CADPS: variants seen among roughly 807,000 people sequenced by gnomAD.
CADPS encodes calcium-dependent secretion activator 1.
In CADPS, 57 loss-of-function variants were observed where a neutral mutation model predicts 167.3. That is an observed-to-expected ratio of 0.34 (90% CI 0.28 to 0.42). The LOEUF (loss-of-function observed/expected upper bound fraction) is 0.42, where lower values mean the gene tolerates loss of function less well. CADPS is among the 20% of genes least tolerant of loss of function. The probability of loss-of-function intolerance (pLI) is 1.00; values close to 1 mark genes in which losing one functional copy is unlikely to be tolerated. For missense variants in CADPS, 1,414 were observed against 1,738.1 expected (o/e 0.81, Z 3.32); for synonymous variants, 676 against 635.3 (o/e 1.06, Z -0.96).
intron 11 of CADPS, among the ~76,000 whole-genome samples, chr3:62,537,887 C>T (rs957297810): frequency 2.6e-5 from 4 of 152,024 alleles, no homozygotes; most frequent in African/African-American, 9.7e-5. Flanking sequence ...ATTTATACCT[C>T]CTTATTGTTT....
intron 11 of CADPS, among the ~76,000 whole-genome samples, chr3:62,542,517 A>T (rs2075850660): frequency 6.6e-6 from 1 of 152,054 alleles, no homozygotes; most frequent in Non-Finnish European, 1.5e-5. Flanking sequence ...TAACCAGGGG[A>T]TGTTGTGCCC....
chr3:62,448,124 C>A (rs1410585880), intron 26 of CADPS, among the ~76,000 whole-genome samples: 1 of 152,180 alleles, frequency 6.6e-6, no homozygotes, highest in Non-Finnish European at 1.5e-5. Context: ...GCCCAACTTT[C>A]TCCCTTGGAA....
intron 1 of CADPS, among the ~76,000 whole-genome samples, chr3:62,800,036 G>A (rs927832215): frequency 6.6e-6 from 1 of 152,160 alleles, no homozygotes; most frequent in Non-Finnish European, 1.5e-5. Context: ...GCTTTCCTAA[G>A]CTCAGGGTTC....
rs541763550 is a variant in CADPS at position 62,508,647 on chromosome 3, T to G, written c.2599+4104A>C. ...GTATATGAATGGCGCAGCTTATAAT[T>G]GATGGCCCTTTAGATTCAATGAAAT... On this transcript the variant is annotated intron_variant, in intron 17 of 29. Coordinates refer to ENST00000383710, the MANE Select transcript of CADPS (RefSeq NM_003716.4). Among the ~76,000 whole-genome samples, 4 of 152,312 alleles carry G rather than the reference T, an allele frequency of 2.6e-5. No individual in the cohort carries two copies. The South Asian group carries it at 6.2e-4, about 24-fold the overall frequency.
At chr3:62,689,567 T>A (rs1475886987) in intron 3 of CADPS, among the ~76,000 whole-genome samples, 1 of 152,092 alleles carries the variant, frequency 6.6e-6, no homozygotes, top group African/African-American at 2.4e-5. Flanking sequence ...AGTCTTTTTT[T>A]ATACCATTCT....
chr3:62,858,121 T>C (rs498524), intron 1 of CADPS, among the ~76,000 whole-genome samples: 126,849 of 152,168 alleles, frequency 0.83, 53,050 homozygotes, highest in Middle Eastern at 0.9. Context: ...ACAGCTCAAA[T>C]TGACTTACAC....
chr3:62,685,572 G>T (rs879476826), intron 3 of CADPS, among the ~76,000 whole-genome samples: 5 of 151,586 alleles, frequency 3.3e-5, no homozygotes, highest in Non-Finnish European at 5.9e-5. Flanking sequence ...AAGAAAAAAA[G>T]GATACAAAAT....
At chr3:62,864,990 C>T (rs533639825) in intron 1 of CADPS, among the ~76,000 whole-genome samples, 1 of 152,228 alleles carries the variant, frequency 6.6e-6, no homozygotes, top group Admixed American at 6.5e-5. Flanking sequence ...GCTCAAACAA[C>T]ATTGTCTGAT....
At chr3:62,618,002 T>C (rs1411398814) in intron 6 of CADPS, among the ~76,000 whole-genome samples, 3 of 152,138 alleles carry the variant, frequency 2.0e-5, no homozygotes, top group Admixed American at 1.3e-4. Flanking sequence ...CACCCCTGAA[T>C]TGACAGGTGG....
chr3:62,509,835 C>T (rs1051219496), intron 17 of CADPS, among the ~76,000 whole-genome samples: 1 of 152,124 alleles, frequency 6.6e-6, no homozygotes, highest in Non-Finnish European at 1.5e-5. Flanking sequence ...TCTAAGTGCT[C>T]ACCACATCAG....
At chr3:62,767,453 C>T (rs866111029) in intron 1 of CADPS, among the ~76,000 whole-genome samples, 3 of 152,036 alleles carry the variant, frequency 2.0e-5, no homozygotes, top group South Asian at 2.1e-4. Context: ...AATAACATAA[C>T]GAGTTCTTTT....
intron 1 of CADPS, among the ~76,000 whole-genome samples, chr3:62,790,572 G>T (rs2092844752): frequency 6.6e-6 from 1 of 152,174 alleles, no homozygotes; most frequent in Admixed American, 6.5e-5. Context: ...ATTCATACTA[G>T]TTCAGCAAAT....
chr3:62,803,785 T>C (rs2093923686), intron 1 of CADPS, among the ~76,000 whole-genome samples: 1 of 152,136 alleles, frequency 6.6e-6, no homozygotes, highest in South Asian at 2.1e-4. Flanking sequence ...TTTCCCAGGA[T>C]ACGAGAGGAT....
Position 62,695,056 on chromosome 3 carries a change from C to T in CADPS, c.889-32662G>A, listed in dbSNP as rs191213622. Among the ~76,000 whole-genome samples the T allele has an allele frequency of 6.9e-4, 105 of 152,138 alleles. 1 individual carries two copies. The highest frequency in any genetic ancestry group is 3.4e-3 in the Middle Eastern group (1 of 294). On this transcript the variant is annotated intron_variant, in intron 3 of 29. Transcript: ENST00000383710. ...GCTGGTTTCCACATCTTAGTTTTTCCTTCCACTCATTATATTATATGAGTT... is the reference window on the plus strand; with the variant it reads ...GCTGGTTTCCACATCTTAGTTTTTCTTTCCACTCATTATATTATATGAGTT...
intron 1 of CADPS, among the ~76,000 whole-genome samples, chr3:62,810,817 T>C (rs2094357987): frequency 1.3e-5 from 2 of 152,222 alleles, no homozygotes; most frequent in Non-Finnish European, 2.9e-5. Context: ...ATGCTGCCCA[T>C]TAGGGCGATT....
At chr3:62,604,926 A>C (rs1371035155) in intron 6 of CADPS, among the ~76,000 whole-genome samples, 1 of 152,220 alleles carries the variant, frequency 6.6e-6, no homozygotes, top group Non-Finnish European at 1.5e-5. Flanking sequence ...TCCTCTCAGC[A>C]ATTCTGCTAA....
At chr3:62,442,747 C>T (rs2056562301) in intron 27 of CADPS, among the ~76,000 whole-genome samples, 1 of 152,088 alleles carries the variant, frequency 6.6e-6, no homozygotes, top group South Asian at 2.1e-4. Flanking sequence ...ACTGACAGCA[C>T]CTGATAGTCA....
chr3:62,455,550 T>C lies in CADPS; in HGVS notation c.3637-9753A>G, dbSNP rs907238852. The stretch of plus-strand genomic sequence containing the variant: ...TATGCTTTTCCATTTTGTTGATTTT[T>C]GTGACATGATCTTATTTTAAGAGAA... On this transcript the variant is annotated intron_variant, in intron 26 of 29. Transcript: ENST00000383710. This position sits in a 1 kb window ranked among gnomAD's most constrained non-coding sequence, Gnocchi z 4.4. Among the ~76,000 whole-genome samples the C allele has an allele frequency of 2.0e-5, 3 of 152,226 alleles. No individual in the cohort carries two copies. Among genetic ancestry groups the C allele is most frequent in the Non-Finnish European group, 2.9e-5 (2 of 68,036 alleles).
intron 6 of CADPS, among the ~76,000 whole-genome samples, chr3:62,615,510 T>G (rs1206100744): frequency 1.3e-5 from 2 of 152,206 alleles, no homozygotes; most frequent in Non-Finnish European, 2.9e-5. Context: ...GAACCTGAGT[T>G]GAATGAATGT....
Sources: gnomAD v4.1 joint callset for allele counts (sites outside exome capture counted in the v4.1 genomes callset) on GRCh38, gnomAD v4.1.1 for gene constraint, Gnocchi (gnomAD v3.1) non-coding constraint, MANE v1.5 for transcripts, NCBI Gene and HGNC (gene_info 2026-07-23, HGNC 2026-07-21) for gene names.